PCDHA11: variants seen among roughly 807,000 people sequenced by gnomAD.
PCDHA11 encodes protocadherin alpha 11.
PCDHA11 carries 61 observed loss-of-function variants against 70.3 expected under a neutral mutation model. That is an observed-to-expected ratio of 0.87 (90% CI 0.71 to 1.07). The LOEUF (loss-of-function observed/expected upper bound fraction) is 1.07. PCDHA11 is among the 50% of genes least tolerant of loss of function. The pLI is 0.00. For synonymous variants in PCDHA11, 633 were observed against 555.1 expected (o/e 1.14, Z -1.97); for missense variants, 1,324 against 1,237.5 (o/e 1.07, Z -1.05).
chr5:140,924,900 A>AT lies in PCDHA11; in HGVS notation c.2391+53406_2391+53407insT, dbSNP rs1563068012. 8.8e-4 allele frequency among the ~76,000 whole-genome samples: 56 copies of AT among 63,318 alleles called. 1 individual carries two copies. The highest frequency in any genetic ancestry group is 8.1e-3 in the Middle Eastern group (1 of 124). 41.5% of individuals were successfully genotyped at this position (63,318 alleles called of 152,430 possible). On this transcript the variant is annotated intron_variant, in intron 1 of 3. Coordinates refer to ENST00000398640, the MANE Select transcript of PCDHA11 (RefSeq NM_018902.5). ...ACAGAGCAAGAACCTGTCTCAAAAA[A>AT]AAAAATAAAATAAAATAAAATAAAA...
At chr5:140,958,667 TA>T (rs1310790364) in intron 1 of PCDHA11, among the ~76,000 whole-genome samples, 1 of 152,186 alleles carries the variant, frequency 6.6e-6, no homozygotes, top group African/African-American at 2.4e-5. Context: ...GATGAAATTT[TA>T]ATTATAAAGG....
intron 1 of PCDHA11, among the ~76,000 whole-genome samples, chr5:140,913,844 A>G (rs1554196074): frequency 1.3e-5 from 2 of 152,194 alleles, no homozygotes; most frequent in African/African-American, 2.4e-5. Flanking sequence ...CCCACTGGTC[A>G]TTCAGGAGCA....
At position 140,993,460 on chromosome 5, in the gene PCDHA11, T is replaced by TCACACA. The variant is rs1554253699; in HGVS notation, c.2539+10898_2539+10899insACACAC. ...TTCATTCCTGTTCTCCTTCTTTCTT[T>TCACACA]CTCACACACACACACACACACACAC... On this transcript the variant is annotated intron_variant, in intron 3 of 3. Transcript: ENST00000398640. Among the ~76,000 whole-genome samples, 49 of 104,564 alleles carry TCACACA rather than the reference T, an allele frequency of 4.7e-4. 1 individual carries two copies. Among genetic ancestry groups the TCACACA allele is most frequent in the Admixed American group, 1.8e-3 (15 of 8,460 alleles). 68.6% of individuals were successfully genotyped at this position (104,564 alleles called of 152,430 possible).
intron 1 of PCDHA11, chr5:140,875,264 C>G: frequency 8.4e-7 from 1 of 1,189,324 alleles, no homozygotes; most frequent in Non-Finnish European, 1.1e-6. Flanking sequence ...TGATGTCGCT[C>G]TACACTCAGA....
At chr5:140,903,149 T>C (rs1329505317) in intron 1 of PCDHA11, among the ~76,000 whole-genome samples, 1 of 152,242 alleles carries the variant, frequency 6.6e-6, no homozygotes, top group Non-Finnish European at 1.5e-5. Context: ...CTGTTTTCCA[T>C]AGTGGTTGTG....
intron 1 of PCDHA11, chr5:140,969,549 C>A: frequency 1.6e-6 from 2 of 1,238,176 alleles, no homozygotes; most frequent in South Asian, 3.3e-5. Context: ...AGGCATGAAG[C>A]CTTGTCCATA....
intron 1 of PCDHA11, among the ~76,000 whole-genome samples, chr5:140,891,171 A>T (rs1221936185): frequency 1.3e-5 from 2 of 151,478 alleles, no homozygotes; most frequent in African/African-American, 4.9e-5. Flanking sequence ...TGCTTTTCAG[A>T]TTTTCTGTGT....
chr5:140,941,175 C>T (rs1344326389), intron 1 of PCDHA11, among the ~76,000 whole-genome samples: 1 of 145,416 alleles, frequency 6.9e-6, no homozygotes, highest in Admixed American at 6.8e-5. Context: ...CCATCTTGAA[C>T]ATCCTGCTTC....
At chr5:140,905,878 C>T (rs1187937436) in intron 1 of PCDHA11, among the ~76,000 whole-genome samples, 2 of 152,054 alleles carry the variant, frequency 1.3e-5, no homozygotes, top group African/African-American at 2.4e-5. Flanking sequence ...CAAGGCCCAA[C>T]AATAGGCCAT....
At chr5:140,882,279 C>A (rs1456228410) in intron 1 of PCDHA11, 1 of 1,612,386 alleles carries the variant, frequency 6.2e-7, no homozygotes, top group Non-Finnish European at 8.5e-7. Context: ...ATGCTGTCTT[C>A]CTGGCAAGGA....
Position 140,965,675 on chromosome 5 carries a change from A to C in PCDHA11, c.2392-13274A>C, listed in dbSNP as rs1049081993. 1.3e-4 allele frequency among the ~76,000 whole-genome samples: 20 copies of C among 152,350 alleles called. No homozygotes were observed. The Middle Eastern group carries it at 0.01, about 78-fold the overall frequency. ...AAATGTCTTGGGTGATAAATGTAAA[A>C]GATTTGAAGCAAGATTAGAAAAAGC... On this transcript the variant is annotated intron_variant, in intron 1 of 3. Transcript: ENST00000398640.
At chr5:141,008,431 C>T (rs1192058423) in intron 3 of PCDHA11, among the ~76,000 whole-genome samples, 1 of 152,140 alleles carries the variant, frequency 6.6e-6, no homozygotes, top group Non-Finnish European at 1.5e-5. Flanking sequence ...GATCACTTTG[C>T]CCAGACAGAC....
Position 141,011,828 on chromosome 5 carries a change from T to C in PCDHA11, c.*1891T>C, listed in dbSNP as rs76856184. The C allele has an allele frequency of 2.5e-3, 389 of 153,920 alleles. 1 individual carries two copies. Among genetic ancestry groups the C allele is most frequent in the African/African-American group, 9.1e-3 (378 of 41,598 alleles). The allele number at this position is 153,920 out of a possible 1,614,324, so 9.5% of individuals were successfully genotyped here. ...GCTCATAGAAAGTAACAAAATTTGC[T>C]GTCACCTTAAATAAGACATTTTAAT... On this transcript the variant is annotated 3_prime_UTR_variant, in exon 4 of 4. Transcript: ENST00000398640.
intron 1 of PCDHA11, chr5:140,969,064 C>G: frequency 6.2e-7 from 1 of 1,614,136 alleles, no homozygotes; most frequent in Non-Finnish European, 8.5e-7. Context: ...ATATTGATGC[C>G]AGGATACCGC....
At chr5:140,968,634 A>T (rs782166097) in intron 1 of PCDHA11, 7 of 1,614,176 alleles carry the variant, frequency 4.3e-6, no homozygotes, top group Non-Finnish European at 5.9e-6. Flanking sequence ...CTTTTTTACC[A>T]TCTAGCCCAG....
chr5:140,980,465 A>G (rs1170047538), intron 2 of PCDHA11, among the ~76,000 whole-genome samples: 4 of 152,184 alleles, frequency 2.6e-5, no homozygotes, highest in African/African-American at 9.7e-5. Flanking sequence ...CCCTGTCTCT[A>G]CTAAAAATAC....
intron 1 of PCDHA11, chr5:140,968,754 G>T: frequency 1.2e-6 from 2 of 1,614,170 alleles, no homozygotes; most frequent in Non-Finnish European, 1.7e-6. Flanking sequence ...GTGGTGGTCC[G>T]AGATAATGGA....
chr5:140,900,380 C>T (rs554914375), intron 1 of PCDHA11, among the ~76,000 whole-genome samples: 2 of 152,208 alleles, frequency 1.3e-5, no homozygotes, highest in Admixed American at 6.5e-5. Flanking sequence ...TGGGTTCAAG[C>T]GATTCTCCTG....
chr5:140,966,402 G>A (rs1554228257), intron 1 of PCDHA11: 4 of 404,514 alleles, frequency 9.9e-6, no homozygotes, highest in African/African-American at 8.2e-5. Context: ...ACTTCGGCGC[G>A]GAATCAGAGC....
Sources: gnomAD v4.1 joint callset for allele counts (sites outside exome capture counted in the v4.1 genomes callset) on GRCh38, gnomAD v4.1.1 for gene constraint, MANE v1.5 for transcripts, NCBI Gene and HGNC (gene_info 2026-07-23, HGNC 2026-07-21) for gene names.